The following GLIPR1L1 variants were observed in gnomAD, a reference collection of about 807,000 sequenced individuals.
The protein encoded by GLIPR1L1 is GLIPR1-like protein 1.
Under a neutral mutation model 29.9 loss-of-function variants are expected in GLIPR1L1, and 26 were observed. The observed-to-expected ratio is 0.87, with a 90% CI of 0.64 to 1.21. The LOEUF is 1.21. GLIPR1L1 is among the 50% of genes most tolerant of loss of function. The pLI is 0.00. For synonymous variants in GLIPR1L1, 77 were observed against 97.5 expected (o/e 0.79, Z 1.24); for missense variants, 305 against 290.3 (o/e 1.05, Z -0.37).
intron 3 of GLIPR1L1, among the ~76,000 whole-genome samples, chr12:75,355,713 A>G (rs2043112814): frequency 6.6e-6 from 1 of 152,242 alleles, no homozygotes; most frequent in South Asian, 2.1e-4. Context: ...AATAGCAAAG[A>G]CATGGAATCA....
intron 2 of GLIPR1L1, among the ~76,000 whole-genome samples, chr12:75,345,608 C>T (rs552974235): frequency 6.8e-4 from 104 of 152,250 alleles, no homozygotes; most frequent in Non-Finnish European, 1.3e-3. Flanking sequence ...CGTTCAACAA[C>T]AGGTTGTTCT....
intron 3 of GLIPR1L1, among the ~76,000 whole-genome samples, chr12:75,362,529 T>C (rs571757246): frequency 9.2e-5 from 14 of 152,320 alleles, no homozygotes; most frequent in African/African-American, 3.1e-4. Context: ...TTGTGGCATA[T>C]TCTTTAATGG....
intron 3 of GLIPR1L1, among the ~76,000 whole-genome samples, chr12:75,351,550 G>GTT (rs1175807861): frequency 1.8e-3 from 232 of 131,090 alleles, no homozygotes; most frequent in African/African-American, 5.6e-3. Context: ...GTTTTGTTTT[G>GTT]TTTTTTTTTT....
chr12:75,355,441 G>A (rs986721448), intron 3 of GLIPR1L1, among the ~76,000 whole-genome samples: 1 of 152,180 alleles, frequency 6.6e-6, no homozygotes, highest in Non-Finnish European at 1.5e-5. Flanking sequence ...ATGCCAGTCA[G>A]AATGGCAATT....
rs1593701647 is a variant in GLIPR1L1 at position 75,345,321 on chromosome 12, A to G, written c.420+1383A>G. Among the ~76,000 whole-genome samples, 5 of 152,128 alleles carry G rather than the reference A, an allele frequency of 3.3e-5. 1 individual carries two copies. The highest frequency in any genetic ancestry group is 7.4e-5 in the Non-Finnish European group (5 of 67,988). ...TGTTGTGTTGCCTAATGTCTTGAAAACCATTACTTCCTATAATTTTCTCAA... is the reference window on the plus strand; with the variant it reads ...TGTTGTGTTGCCTAATGTCTTGAAAGCCATTACTTCCTATAATTTTCTCAA... On this transcript the variant is annotated intron_variant, in intron 2 of 5. Transcript: ENST00000378695.
intron 3 of GLIPR1L1, among the ~76,000 whole-genome samples, chr12:75,351,549 T>G (rs932009663): frequency 4.5e-4 from 61 of 135,886 alleles, no homozygotes; most frequent in African/African-American, 1.7e-3. Flanking sequence ...TGTTTTGTTT[T>G]GTTTTTTTTT....
At chr12:75,366,726 G>T in intron 4 of GLIPR1L1, 1 of 593,468 alleles carries the variant, frequency 1.7e-6, no homozygotes, top group South Asian at 2.0e-5. Flanking sequence ...CTGATTTTGG[G>T]TGAGACTGCA....
chr12:75,351,519 G>C (rs1347862093), intron 3 of GLIPR1L1, among the ~76,000 whole-genome samples: 1 of 151,840 alleles, frequency 6.6e-6, no homozygotes, highest in East Asian at 1.9e-4. Flanking sequence ...AGAAGAGATT[G>C]GGAACAATAT....
chr12:75,353,274 G>A lies in GLIPR1L1; in HGVS notation c.521+5552G>A, dbSNP rs568190804. Among the ~76,000 whole-genome samples the A allele has an allele frequency of 6.6e-5, 10 of 152,050 alleles. No homozygotes were observed. In the East Asian group the frequency reaches 1.7e-3, roughly 26 times the overall value. ...ACTAAATAGAATAATAAAGAAGAGA[G>A]AAGAATCAAATAGACACAATAAAAA... On this transcript the variant is annotated intron_variant, in intron 3 of 5. Transcript: ENST00000378695.
At chr12:75,338,017 A>T (rs2041854515) in intron 1 of GLIPR1L1, among the ~76,000 whole-genome samples, 1 of 152,122 alleles carries the variant, frequency 6.6e-6, no homozygotes, top group East Asian at 1.9e-4. Flanking sequence ...AAATATTCTT[A>T]ACAGAAAATT....
chr12:75,365,933 C>G (rs1055191200), intron 4 of GLIPR1L1, among the ~76,000 whole-genome samples: 7 of 152,164 alleles, frequency 4.6e-5, no homozygotes, highest in Admixed American at 3.3e-4. Flanking sequence ...TTTGGGCTGG[C>G]TTTATAGTTT....
At chr12:75,360,996 G>A (rs547945452) in intron 3 of GLIPR1L1, 1 of 152,232 alleles carries the variant, frequency 6.6e-6, no homozygotes, top group Non-Finnish European at 1.5e-5. Context: ...CTCACAACCA[G>A]GAAGAATTTC....
rs1161574165 is a variant in GLIPR1L1 at position 75,351,554 on chromosome 12, T to G, written c.521+3832T>G. ...TTTAACACTCTGTTTTGTTTTGTTT[T>G]TTTTTTTTTTGAGATGGAGTCCCAC... On this transcript the variant is annotated intron_variant, in intron 3 of 5. Transcript: ENST00000378695. 2.0e-5 allele frequency among the ~76,000 whole-genome samples: 3 copies of G among 151,730 alleles called. No homozygotes were observed. In the East Asian group the frequency reaches 5.8e-4, roughly 29 times the overall value.
At chr12:75,339,096 A>G (rs1432196721) in intron 1 of GLIPR1L1, among the ~76,000 whole-genome samples, 1 of 152,216 alleles carries the variant, frequency 6.6e-6, no homozygotes, top group Non-Finnish European at 1.5e-5. Context: ...AGAATGATCT[A>G]TATTCCTTTG....
chr12:75,355,688 C>T (rs555579362), intron 3 of GLIPR1L1, among the ~76,000 whole-genome samples: 9 of 152,092 alleles, frequency 5.9e-5, no homozygotes, highest in South Asian at 4.2e-4. Flanking sequence ...GTAGGTTCAG[C>T]GCAGCACTAT....
chr12:75,362,269 C>A (rs1184987556), intron 3 of GLIPR1L1, among the ~76,000 whole-genome samples: 3 of 152,072 alleles, frequency 2.0e-5, no homozygotes, highest in Non-Finnish European at 4.4e-5. Context: ...TGCTCATCAT[C>A]ATTCATCATT....
At chr12:75,340,959 A>T (rs1426376132) in intron 1 of GLIPR1L1, among the ~76,000 whole-genome samples, 1 of 152,078 alleles carries the variant, frequency 6.6e-6, no homozygotes, top group African/African-American at 2.4e-5. Context: ...GAGAAAATTG[A>T]TCAGTCTTAC....
chr12:75,354,243 T>A (rs1242626294), intron 3 of GLIPR1L1, among the ~76,000 whole-genome samples: 1 of 151,960 alleles, frequency 6.6e-6, no homozygotes, highest in African/African-American at 2.4e-5. Flanking sequence ...TGATCCTATA[T>A]CTAGAAAACC....
chr12:75,344,143 T>C (rs988878209), intron 2 of GLIPR1L1, among the ~76,000 whole-genome samples: 1 of 152,130 alleles, frequency 6.6e-6, no homozygotes, highest in African/African-American at 2.4e-5. Flanking sequence ...TTTTTGAAGT[T>C]GTAAGTCTAT....
Sources: gnomAD v4.1 joint callset for allele counts (sites outside exome capture counted in the v4.1 genomes callset) on GRCh38, gnomAD v4.1.1 for gene constraint, MANE v1.5 for transcripts, NCBI Gene and HGNC (gene_info 2026-07-23, HGNC 2026-07-21) for gene names.